ACOT11: variants seen among roughly 807,000 people sequenced by gnomAD.
The protein encoded by ACOT11 is acyl-CoA thioesterase 11.
A neutral mutation model predicts 77.5 loss-of-function variants in ACOT11; 69 were observed. The ratio of observed to expected loss-of-function variants is 0.89; its 90% CI spans 0.73 to 1.09. ACOT11 has a LOEUF of 1.09. ACOT11 is among the 50% of genes least tolerant of loss of function. ACOT11 has a pLI of 0.00. For synonymous variants in ACOT11, 279 were observed against 313.0 expected (o/e 0.89, Z 1.15); for missense variants, 766 against 813.7 (o/e 0.94, Z 0.71).
chr1:54,611,564 C>G, downstream of ACOT11: 1 of 1,606,878 alleles, frequency 6.2e-7, no homozygotes, highest in Non-Finnish European at 8.5e-7. Flanking sequence ...CTGCTCCATG[C>G]AGAATCCAGC....
chr1:54,588,947 TTTTG>T (rs1170993348), intron 3 of ACOT11, among the ~76,000 whole-genome samples: 1 of 152,164 alleles, frequency 6.6e-6, no homozygotes, highest in Non-Finnish European at 1.5e-5. Context: ...TAAGAAGTTT[TTTTG>T]TTTGTTTATT....
intron 3 of ACOT11, among the ~76,000 whole-genome samples, chr1:54,589,460 T>C (rs554745786): frequency 5.3e-5 from 8 of 152,092 alleles, no homozygotes; most frequent in Non-Finnish European, 8.8e-5. Context: ...TGTTTTTATT[T>C]TGTTTGCTTT....
downstream of ACOT11, among the ~76,000 whole-genome samples, chr1:54,611,981 T>G (rs1644123256): frequency 6.6e-6 from 1 of 151,560 alleles, no homozygotes; most frequent in Admixed American, 6.6e-5. Flanking sequence ...TGCTGCCTCC[T>G]CACTTGCAGT....
chr1:54,552,417 A>G (rs570942552), intron 1 of ACOT11, among the ~76,000 whole-genome samples: 1 of 152,250 alleles, frequency 6.6e-6, no homozygotes, highest in African/African-American at 2.4e-5. Context: ...AACATGTAGC[A>G]TCAGCCTGTT....
rs530329801 is a variant in ACOT11 at position 54,601,533 on chromosome 1, C to T, written c.1029+120C>T. On this transcript the variant is annotated intron_variant, in intron 9 of 15. Coordinates refer to ENST00000343744, the MANE Select transcript of ACOT11 (RefSeq NM_147161.4). ...AGGCGTGAGGGGCCCACCCTACCCC[C>T]GTGCTGGGGCACAGCCAGCTGAGTG... 6.6e-5 allele frequency: 94 copies of T among 1,416,210 alleles called. 3 individuals carry two copies. The South Asian group carries it at 9.3e-4, about 14-fold the overall frequency. 87.7% of individuals were successfully genotyped at this position (1,416,210 alleles called of 1,614,324 possible).
At chr1:54,614,919 C>A, downstream of ACOT11, 1 of 1,560,498 alleles carries the variant, frequency 6.4e-7, no homozygotes, top group South Asian at 1.2e-5. Context: ...TACATGACTC[C>A]CTGGGCAGAA....
intron 1 of ACOT11, among the ~76,000 whole-genome samples, chr1:54,578,526 C>T (rs189135289): frequency 4.8e-4 from 73 of 152,328 alleles, no homozygotes; most frequent in Non-Finnish European, 1.0e-4. Context: ...AATGCAGATT[C>T]ACAGGCAGAT....
intron 1 of ACOT11, among the ~76,000 whole-genome samples, chr1:54,580,330 C>T (rs1305531696): frequency 6.6e-6 from 1 of 152,192 alleles, no homozygotes; most frequent in Non-Finnish European, 1.5e-5. Flanking sequence ...TTGGGGTCTG[C>T]AGGCACTGTG....
chr1:54,618,013 C>T (rs1024277709), intron 15 of ACOT11, among the ~76,000 whole-genome samples: 1 of 152,150 alleles, frequency 6.6e-6, no homozygotes, highest in African/African-American at 2.4e-5. Flanking sequence ...AGGCATGAGC[C>T]ACCAGGCCTG....
At chr1:54,630,883 C>T (rs772083676) in exon 16 of ACOT11, 14 of 736,888 alleles carry the variant, frequency 1.9e-5, no homozygotes, top group African/African-American at 8.5e-5. Flanking sequence ...AAGCAATCCC[C>T]GTGGTGAGTA....
chr1:54,618,801 C>T (rs1644200324), intron 15 of ACOT11, among the ~76,000 whole-genome samples: 1 of 152,134 alleles, frequency 6.6e-6, no homozygotes, highest in Non-Finnish European at 1.5e-5. Flanking sequence ...CAGTCCCCAC[C>T]CTAACACTTT....
At chr1:54,550,487 C>T (rs1653023441) in intron 1 of ACOT11, among the ~76,000 whole-genome samples, 1 of 152,128 alleles carries the variant, frequency 6.6e-6, no homozygotes, top group African/African-American at 2.4e-5. Flanking sequence ...GGTACCAAAG[C>T]TGTTTTTAAT....
At chr1:54,588,872 A>G (rs1247529619) in intron 3 of ACOT11, among the ~76,000 whole-genome samples, 1 of 152,170 alleles carries the variant, frequency 6.6e-6, no homozygotes, top group Non-Finnish European at 1.5e-5. Flanking sequence ...AAGGAGGACA[A>G]GCTGGGGAGG....
At chr1:54,598,809 C>G (rs1426267554) in intron 7 of ACOT11, 2 of 146,742 alleles carry the variant, frequency 1.4e-5, no homozygotes, top group Non-Finnish European at 3.0e-5. Flanking sequence ...CCACTGCATT[C>G]CAGCCTGGGC....
chr1:54,586,174 G>T (rs541149801), intron 3 of ACOT11, among the ~76,000 whole-genome samples: 3 of 152,170 alleles, frequency 2.0e-5, no homozygotes, highest in Non-Finnish European at 4.4e-5. Context: ...GGGGTGCTGC[G>T]TGACTTTGGG....
rs189031999 is a variant in ACOT11, at chr1:54,630,044, C to T, written c.1630-690C>T. 5.4e-3 allele frequency among the ~76,000 whole-genome samples: 725 copies of T among 133,636 alleles called. 104 individuals carry two copies. The highest frequency in any genetic ancestry group is 0.015 in the African/African-American group (601 of 39,448). The allele number at this position is 133,636 out of a possible 152,430, so 87.7% of individuals were successfully genotyped here. On this transcript the variant is annotated intron_variant, in intron 15 of 16. Transcript: ENST00000371316. ...CCTCCTGAGTAGCTGGGACTACAGG[C>T]GCCTGCCAACATGCCTGGCTATTTT...
downstream of ACOT11, chr1:54,614,556 G>T: frequency 1.3e-6 from 1 of 770,188 alleles, no homozygotes; most frequent in Non-Finnish European, 2.0e-6. Flanking sequence ...GAGGAAGAGG[G>T]AACAGCATGT....
intron 1 of ACOT11, among the ~76,000 whole-genome samples, chr1:54,554,197 A>C (rs1049329437): frequency 2.2e-4 from 34 of 151,302 alleles, no homozygotes; most frequent in Admixed American, 3.3e-4. Context: ...AGAAAACAAA[A>C]AAAAAAACTC....
At chr1:54,625,056 A>G (rs1358170345) in intron 15 of ACOT11, among the ~76,000 whole-genome samples, 1 of 151,736 alleles carries the variant, frequency 6.6e-6, no homozygotes, top group Non-Finnish European at 1.5e-5. Flanking sequence ...AACGAGACCC[A>G]AGCTGTGGGC....
Sources: gnomAD v4.1 joint callset for allele counts (sites outside exome capture counted in the v4.1 genomes callset) on GRCh38, gnomAD v4.1.1 for gene constraint, MANE v1.5 for transcripts, NCBI Gene and HGNC (gene_info 2026-07-23, HGNC 2026-07-21) for gene names.